The following INSC variants were observed in gnomAD, a reference collection of about 807,000 sequenced individuals.
INSC encodes protein inscuteable homolog.
In INSC, 67 loss-of-function variants were observed where a neutral mutation model predicts 58.6. The ratio of observed to expected loss-of-function variants is 1.14; its 90% confidence interval spans 0.94 to 1.40. INSC has a LOEUF of 1.40. INSC is among the 40% of genes most tolerant of loss of function. INSC has a pLI of 0.00. For synonymous variants in INSC, 262 were observed against 276.1 expected (o/e 0.95, Z 0.51); for missense variants, 714 against 692.0 (o/e 1.03, Z -0.36).
intron 1 of INSC, among the ~76,000 whole-genome samples, chr11:15,136,123 A>G (rs527474346): frequency 6.6e-6 from 1 of 152,356 alleles, no homozygotes; most frequent in Admixed American, 6.5e-5. Flanking sequence ...CAATATTACA[A>G]TAAAGAGAGT....
intron 1 of INSC, among the ~76,000 whole-genome samples, chr11:15,128,311 T>A (rs1251588170): frequency 6.6e-6 from 1 of 152,214 alleles, no homozygotes; most frequent in Non-Finnish European, 1.5e-5. Flanking sequence ...TTATTTATTT[T>A]TTTCCACAGA....
intron 1 of INSC, among the ~76,000 whole-genome samples, chr11:15,133,834 A>G (rs1228519976): frequency 6.6e-6 from 1 of 152,244 alleles, no homozygotes; most frequent in African/African-American, 2.4e-5. Flanking sequence ...TATATTTAAA[A>G]AACATTAAAA....
chr11:15,143,977 GAAATCTC>G lies in INSC; in HGVS notation c.-45-5152_-45-5146del, dbSNP rs1358319029. On this transcript the variant is annotated intron_variant, in intron 1 of 12. Transcript: ENST00000379556. ...TGCAGGTACCACAAGGCCTCAGAAA[GAAATCTC>G]CTTTCAGTCTCAAGCTCCTAGTCCT... Among the ~76,000 whole-genome samples the G allele has an allele frequency of 2.0e-5, 3 of 152,176 alleles. No homozygotes were observed. In the East Asian group the frequency reaches 5.8e-4, roughly 29 times the overall value.
chr11:15,151,982 A>G (rs901031703), intron 2 of INSC, among the ~76,000 whole-genome samples: 3 of 152,184 alleles, frequency 2.0e-5, no homozygotes, highest in African/African-American at 7.2e-5. Context: ...GCAAACCCCC[A>G]CAACAAAGTT....
At chr11:15,181,297 T>C (rs922754025) in intron 5 of INSC, among the ~76,000 whole-genome samples, 3 of 152,230 alleles carry the variant, frequency 2.0e-5, no homozygotes, top group African/African-American at 4.8e-5. Context: ...TTAAAAATAT[T>C]ATTAAAGCAC....
At chr11:15,157,464 C>T (rs1222132595) in intron 2 of INSC, among the ~76,000 whole-genome samples, 1 of 152,090 alleles carries the variant, frequency 6.6e-6, no homozygotes, top group Non-Finnish European at 1.5e-5. Context: ...GATGGCAGCT[C>T]GAAGTTTATG....
chr11:15,113,912 T>G (rs557117947), upstream of INSC, among the ~76,000 whole-genome samples: 2 of 152,234 alleles, frequency 1.3e-5, no homozygotes, highest in Non-Finnish European at 1.5e-5. Context: ...TGAGTTGAGC[T>G]CCTTCTCCCT....
At chr11:15,170,032 T>A (rs1849341376) in intron 2 of INSC, among the ~76,000 whole-genome samples, 1 of 152,222 alleles carries the variant, frequency 6.6e-6, no homozygotes, top group African/African-American at 2.4e-5. Flanking sequence ...GCTTAATACT[T>A]GCATATAAGC....
intron 2 of INSC, among the ~76,000 whole-genome samples, chr11:15,160,679 C>T (rs560059906): frequency 1.3e-5 from 2 of 152,336 alleles, no homozygotes; most frequent in African/African-American, 4.8e-5. Context: ...TGGAGTTTGA[C>T]AGTTAACAAG....
intron 1 of INSC, among the ~76,000 whole-genome samples, chr11:15,132,432 G>T (rs945186047): frequency 2.0e-5 from 3 of 152,048 alleles, no homozygotes; most frequent in Non-Finnish European, 2.9e-5. Context: ...AACACAGTTA[G>T]GAGTCACTGC....
intron 12 of INSC, among the ~76,000 whole-genome samples, chr11:15,242,073 C>G (rs1217048990): frequency 6.6e-6 from 1 of 152,178 alleles, no homozygotes; most frequent in African/African-American, 2.4e-5. Context: ...GTAACTTTTT[C>G]TCATTCAAGT....
chr11:15,192,450 G>A (rs1850215745), intron 6 of INSC, among the ~76,000 whole-genome samples: 1 of 152,214 alleles, frequency 6.6e-6, no homozygotes, highest in African/African-American at 2.4e-5. Flanking sequence ...AGAGTAGCAG[G>A]CACTGTCTCA....
chr11:15,141,128 C>A (rs556684735), intron 1 of INSC, among the ~76,000 whole-genome samples: 2 of 152,110 alleles, frequency 1.3e-5, no homozygotes, highest in African/African-American at 2.4e-5. Flanking sequence ...ATCTCTAAGG[C>A]CCCCCTACTA....
intron 7 of INSC, among the ~76,000 whole-genome samples, chr11:15,216,586 CT>C (rs1851227408): frequency 6.6e-6 from 1 of 152,180 alleles, no homozygotes; most frequent in Non-Finnish European, 1.5e-5. Flanking sequence ...TCTTTCTTCC[CT>C]TCTGAGGAGT....
At chr11:15,251,007 C>T (rs1042985848), downstream of INSC, among the ~76,000 whole-genome samples, 6 of 152,274 alleles carry the variant, frequency 3.9e-5, no homozygotes, top group Non-Finnish European at 5.9e-5. Flanking sequence ...AGAAAAAGGC[C>T]TGAATCTCTG....
rs1179063609 is a variant in INSC at position 15,178,417 on chromosome 11, G to A, written c.549G>A (p.Leu183=). 2 of 1,612,296 alleles carry A rather than the reference G, an allele frequency of 1.2e-6. No homozygotes were observed. Among genetic ancestry groups the A allele is most frequent in the Non-Finnish European group, 1.7e-6 (2 of 1,179,994 alleles). ...TGCTGGGCCAGCACTTTGGTCAGCT[G>A]CTGGAGCTGGCCCTGACACGGGAGG... The part of the protein sequence containing the change: ...LSMLGQHFGQ[L]LELALTREVQ... Residue 183 remains leucine, a synonymous_variant, in exon 5 of 13, where the codon CTG becomes CTA. Coordinates refer to ENST00000379556, the MANE Select transcript of INSC (RefSeq NM_001042536.3).
chr11:15,186,467 A>G (rs1233912877), intron 5 of INSC, among the ~76,000 whole-genome samples: 1 of 152,034 alleles, frequency 6.6e-6, no homozygotes, highest in Non-Finnish European at 1.5e-5. Context: ...TGTTTTTCCA[A>G]CAAACTAATC....
intron 1 of INSC, among the ~76,000 whole-genome samples, chr11:15,130,771 T>C (rs1239152151): frequency 6.6e-6 from 1 of 152,166 alleles, no homozygotes; most frequent in Non-Finnish European, 1.5e-5. Context: ...CTTGAATCAA[T>C]TTTGGTAAAT....
chr11:15,186,852 G>A (rs543098387), intron 5 of INSC, among the ~76,000 whole-genome samples: 1 of 151,660 alleles, frequency 6.6e-6, no homozygotes. Context: ...CCTGTGTTCC[G>A]AACTCTACTA....
Sources: gnomAD v4.1 joint callset for allele counts (sites outside exome capture counted in the v4.1 genomes callset) on GRCh38, gnomAD v4.1.1 for gene constraint, MANE v1.5 for transcripts, NCBI Gene and HGNC (gene_info 2026-07-23, HGNC 2026-07-21) for gene names.